The following DRC11 variants were observed in gnomAD, a reference collection of about 807,000 sequenced individuals.
DRC11 encodes the protein dynein regulatory complex subunit 11, also known as IQ and AAA domain-containing protein 1.
chr2:236,328,772 G>A, the DRC11 span, among the ~76,000 whole-genome samples: 2 of 152,122 alleles, frequency 1.3e-5, no homozygotes, highest in South Asian at 2.1e-4. The surrounding 1 kb of genome is among the most constrained non-coding windows in gnomAD (Gnocchi z 6.7). Flanking sequence ...AATGAAGTTC[G>A]CTTTGGGGAA....
chr2:236,393,850 A>T, the DRC11 span, among the ~76,000 whole-genome samples: 2 of 152,184 alleles, frequency 1.3e-5, no homozygotes, highest in Non-Finnish European at 2.9e-5. This position sits in a 1 kb window ranked among gnomAD's most constrained non-coding sequence, Gnocchi z 4.7. Flanking sequence ...GTTTGTGGCC[A>T]GGTGGAACCC....
the DRC11 span, chr2:236,331,297 A>T: frequency 5.9e-6 from 7 of 1,180,560 alleles, no homozygotes; most frequent in African/African-American, 9.0e-5. This position sits in a 1 kb window ranked among gnomAD's most constrained non-coding sequence, Gnocchi z 4.8. Context: ...GGAACTGCAG[A>T]GGGAGGAGGC....
chr2:236,312,104 C>T, the DRC11 span, among the ~76,000 whole-genome samples: 2 of 152,124 alleles, frequency 1.3e-5, no homozygotes, highest in African/African-American at 4.8e-5. Context: ...TTTCAAAAAC[C>T]TATCCTAAGA....
At chr2:236,441,737 G>C in the DRC11 span, among the ~76,000 whole-genome samples, 1 of 152,060 alleles carries the variant, frequency 6.6e-6, no homozygotes, top group Non-Finnish European at 1.5e-5. Flanking sequence ...TTTATTGTAC[G>C]TAAGACTATC....
the DRC11 span, among the ~76,000 whole-genome samples, chr2:236,371,478 T>C: frequency 6.6e-6 from 1 of 152,094 alleles, no homozygotes; most frequent in African/African-American, 2.4e-5. The surrounding 1 kb of genome is among the most constrained non-coding windows in gnomAD (Gnocchi z 5.1). Context: ...CCAAGCCCCC[T>C]GAGTTTATGT....
chr2:236,327,571 T>TCC, the DRC11 span, among the ~76,000 whole-genome samples: 1 of 152,102 alleles, frequency 6.6e-6, no homozygotes, highest in Non-Finnish European at 1.5e-5. Context: ...TTGATTTCTA[T>TCC]CCTTTATTTT....
At chr2:236,503,643 G>A in the DRC11 span, 3 of 1,550,804 alleles carry the variant, frequency 1.9e-6, no homozygotes, top group Non-Finnish European at 2.6e-6. The surrounding 1 kb of genome is among the most constrained non-coding windows in gnomAD (Gnocchi z 4.9). Flanking sequence ...GTTTTCCTCA[G>A]CGCTGAGAGA....
chr2:236,420,881 A>G, the DRC11 span, among the ~76,000 whole-genome samples: 8 of 152,178 alleles, frequency 5.3e-5, no homozygotes, highest in Non-Finnish European at 1.0e-4. The surrounding 1 kb of genome is among the most constrained non-coding windows in gnomAD (Gnocchi z 4.8). Context: ...CCAGGTCTTC[A>G]TTGTACTGGA....
the DRC11 span, chr2:236,465,662 C>A: frequency 6.2e-7 from 1 of 1,613,628 alleles, no homozygotes; most frequent in Non-Finnish European, 8.5e-7. This position sits in a 1 kb window ranked among gnomAD's most constrained non-coding sequence, Gnocchi z 6.2. Context: ...TCCACCTTTT[C>A]AGCCTGGATT....
chr2:236,470,164 C>A, the DRC11 span, among the ~76,000 whole-genome samples: 2 of 152,108 alleles, frequency 1.3e-5, no homozygotes, highest in Admixed American at 1.3e-4. This position sits in a 1 kb window ranked among gnomAD's most constrained non-coding sequence, Gnocchi z 5.1. Flanking sequence ...TTTAAAAATC[C>A]TTCTTCAAAT....
the DRC11 span, among the ~76,000 whole-genome samples, chr2:236,356,912 TTA>T: frequency 2.1e-4 from 17 of 82,788 alleles, 1 homozygote; most frequent in South Asian, 8.3e-4. Context: ...TATTTATATA[TTA>T]TATATATTCA....
the DRC11 span, among the ~76,000 whole-genome samples, chr2:236,423,281 A>G: frequency 6.6e-6 from 1 of 152,112 alleles, no homozygotes; most frequent in Non-Finnish European, 1.5e-5. Context: ...AGAATGGGAG[A>G]AAATTTTTGC....
the DRC11 span, among the ~76,000 whole-genome samples, chr2:236,358,156 C>G: frequency 8.3e-6 from 1 of 120,946 alleles, no homozygotes; most frequent in Non-Finnish European, 1.6e-5. Flanking sequence ...TAGATATATA[C>G]TATATGAATA....
chr2:236,397,676 AGAG>A, the DRC11 span, among the ~76,000 whole-genome samples: 6 of 152,376 alleles, frequency 3.9e-5, no homozygotes, highest in Non-Finnish European at 7.3e-5. This position sits in a 1 kb window ranked among gnomAD's most constrained non-coding sequence, Gnocchi z 5.0. Flanking sequence ...TATGCAAAGC[AGAG>A]TCTTAGATGG....
the DRC11 span, among the ~76,000 whole-genome samples, chr2:236,355,253 A>G: frequency 1.1e-3 from 163 of 152,294 alleles, 1 homozygote; most frequent in Non-Finnish European, 2.1e-3. Flanking sequence ...TGTGTTCCTC[A>G]CTGTAGCACA....
At chr2:236,456,088 A>T in the DRC11 span, among the ~76,000 whole-genome samples, 1 of 152,212 alleles carries the variant, frequency 6.6e-6, no homozygotes, top group Non-Finnish European at 1.5e-5. The surrounding 1 kb of genome is among the most constrained non-coding windows in gnomAD (Gnocchi z 5.4). Flanking sequence ...CAGAATAAAA[A>T]TATGGGGTAC....
the DRC11 span, chr2:236,488,008 T>C: frequency 1.3e-6 from 2 of 1,584,100 alleles, no homozygotes; most frequent in Non-Finnish European, 1.7e-6. Flanking sequence ...ACCTTCTGAA[T>C]GCGGAGTGCA....
At chr2:236,503,612 C>A in the DRC11 span, 127 of 1,546,622 alleles carry the variant, frequency 8.2e-5, no homozygotes, top group Non-Finnish European at 1.1e-4. The surrounding 1 kb of genome is among the most constrained non-coding windows in gnomAD (Gnocchi z 4.9). Flanking sequence ...TGAAAGCACA[C>A]GGATCCCTGC....
chr2:236,352,173 C>T, the DRC11 span, among the ~76,000 whole-genome samples: 10 of 152,054 alleles, frequency 6.6e-5, no homozygotes, highest in Non-Finnish European at 7.4e-5. This position sits in a 1 kb window ranked among gnomAD's most constrained non-coding sequence, Gnocchi z 7.0. Context: ...TAGCTAGCCT[C>T]GAAGCCAGGG....
Sources: allele counts gnomAD v4.1 joint callset (sites outside exome capture counted in the v4.1 genomes callset), GRCh38; gene constraint gnomAD v4.1.1; non-coding constraint Gnocchi (gnomAD v3.1); transcripts MANE v1.5; gene names NCBI Gene and HGNC (gene_info 2026-07-23, HGNC 2026-07-21).